The following NEB variants were observed in gnomAD, a reference collection of about 807,000 sequenced individuals.
NEB encodes the protein nebulin, also known as nemaline myopathy type 2.
A neutral mutation model predicts 952.2 loss-of-function variants in NEB; 512 were observed. The ratio of observed to expected loss-of-function variants is 0.54; its 90% CI spans 0.50 to 0.58. The LOEUF (loss-of-function observed/expected upper bound fraction) is 0.58. Among genes scored for constraint, NEB ranks in the 20% least tolerant of loss-of-function variants. The pLI, the probability that NEB is intolerant of heterozygous loss-of-function variation, is 0.00. For synonymous variants in NEB, 2,900 were observed against 3,149.8 expected, an observed-to-expected ratio of 0.92 and a Z score of 2.66; for missense variants, 8,428 against 9,231.1, an observed-to-expected ratio of 0.91 and a Z score of 3.56.
At chr2:151,486,861 G>A (rs2050894438) in intron 181 of NEB, 1 of 152,236 alleles carries the variant, frequency 6.6e-6, no homozygotes, top group African/African-American at 2.4e-5. Context: ...AAAGGGGATG[G>A]AGAATGAATG....
chr2:151,486,759 C>T (rs968884332), intron 181 of NEB: 1 of 152,098 alleles, frequency 6.6e-6, no homozygotes, highest in Non-Finnish European at 1.5e-5. Flanking sequence ...GCACCAAGGT[C>T]AGTATATTGT....
At chr2:151,704,014 A>G (rs2099689015) in intron 13 of NEB, among the ~76,000 whole-genome samples, 2 of 117,998 alleles carry the variant, frequency 1.7e-5, no homozygotes, top group Non-Finnish European at 3.5e-5. Context: ...GTCTTTGATG[A>G]TGGTGATGTA....
Position 151,709,593 on chromosome 2 carries a change from C to A in NEB, c.1035+63G>T, listed in dbSNP as rs1401087399. 3.0e-6 allele frequency: 4 copies of A among 1,327,942 alleles called. No individual in the cohort carries two copies. In the African/African-American group the frequency reaches 5.9e-5, roughly 20 times the overall value. The allele number at this position is 1,327,942 out of a possible 1,614,324, so 82.3% of individuals were successfully genotyped here. A position where few individuals can be genotyped will look rare whatever the true frequency, so the allele number is the denominator to read the frequency against. On this transcript the variant is annotated intron_variant, in intron 12 of 181. Coordinates refer to ENST00000397345, the MANE Select transcript of NEB (RefSeq NM_001164508.2). ...TTTTTTACTAATTATATACAAGAGC[C>A]AAAGTTATAAGAAATTTACCCACAC...
At chr2:151,488,346 T>C (rs1386052263) in intron 181 of NEB, among the ~76,000 whole-genome samples, 1 of 152,058 alleles carries the variant, frequency 6.6e-6, no homozygotes, top group African/African-American at 2.4e-5. Context: ...CTTTCCCCTT[T>C]ATATTTTAAA....
chr2:151,570,448 G>A (rs1384021190), intron 108 of NEB, 49 bp downstream of exon 108: 1 of 1,588,350 alleles, frequency 6.3e-7, no homozygotes, highest in Admixed American at 1.8e-5. Flanking sequence ...GATGCACCTA[G>A]GGCATCGGCT....
At chr2:151,630,532 T>C (rs1215286508) in intron 67 of NEB, among the ~76,000 whole-genome samples, 183 bp downstream of exon 67, 1 of 152,232 alleles carries the variant, frequency 6.6e-6, no homozygotes, top group Non-Finnish European at 1.5e-5. Flanking sequence ...AAAGACATTG[T>C]GACTTCAGTT....
chr2:151,704,467 C>T (rs1445857147), intron 13 of NEB, among the ~76,000 whole-genome samples: 3 of 147,994 alleles, frequency 2.0e-5, no homozygotes, highest in South Asian at 2.2e-4. Flanking sequence ...GCCTCGCTGC[C>T]GCCTTGCAGT....
intron 44 of NEB, 101 bp from the exon 45 acceptor site, chr2:151,663,960 GC>G: frequency 2.4e-6 from 3 of 1,236,048 alleles, no homozygotes; most frequent in Non-Finnish European, 3.3e-6. Context: ...GGGTTTTAGA[GC>G]TACTCTAAAA....
chr2:151,680,687 A>G (rs764262598), intron 30 of NEB, 43 bp downstream of exon 30: 3 of 1,346,878 alleles, frequency 2.2e-6, no homozygotes, highest in Non-Finnish European at 3.2e-6. Context: ...ATGTATTTGT[A>G]TTAGTTAACA....
intron 47 of NEB, among the ~76,000 whole-genome samples, chr2:151,658,716 G>A (rs2099113200): frequency 6.6e-6 from 1 of 152,014 alleles, no homozygotes; most frequent in African/African-American, 2.4e-5. Flanking sequence ...CATCTCAAAG[G>A]CTTGATGGAA....
In NEB at chr2:151,639,389, C is replaced by CA. The variant is rs771652505; in HGVS notation, c.8890-6dup. 2.2e-4 allele frequency: 323 copies of CA among 1,496,668 alleles called. No homozygotes were observed. Among genetic ancestry groups the CA allele is most frequent in the African/African-American group, 1.4e-3 (100 of 71,052 alleles). 92.7% of individuals were successfully genotyped at this position (1,496,668 alleles called of 1,614,324 possible). The stretch of plus-strand genomic sequence containing the variant: ...CCAGGCTTCTGTGTATAAACGCTAT[C>CA]AAAAAAAATACACAAATTCATCAGG... On this transcript the variant is annotated splice_region_variant and splice_polypyrimidine_tract_variant and intron_variant, in intron 62 of 181. Coordinates refer to ENST00000397345, the MANE Select transcript of NEB (RefSeq NM_001164508.2).
At chr2:151,689,902 G>A (rs2099534335) in intron 24 of NEB, 1 of 152,190 alleles carries the variant, frequency 6.6e-6, no homozygotes, top group Non-Finnish European at 1.5e-5. Flanking sequence ...TTGGGTATGA[G>A]CTAATTTGTG....
At chr2:151,601,477 G>GA (rs1184350635) in intron 88 of NEB, among the ~76,000 whole-genome samples, 4 of 112,734 alleles carry the variant, frequency 3.5e-5, no homozygotes, top group South Asian at 3.3e-4. Context: ...TATCTACGTG[G>GA]AAAAAAACAG....
At chr2:151,697,677 T>A in intron 13 of NEB, 29 bp from the exon 14 acceptor site, 1 of 1,451,610 alleles carries the variant, frequency 6.9e-7, no homozygotes, top group Non-Finnish European at 9.5e-7. Flanking sequence ...TCAGTTAAAG[T>A]AGATTCCTGT....
intron 107 of NEB, among the ~76,000 whole-genome samples, chr2:151,575,346 A>G (rs2096791012): frequency 6.6e-6 from 1 of 152,202 alleles, no homozygotes; most frequent in South Asian, 2.1e-4. Flanking sequence ...ATATATTTTT[A>G]CAAAGACTTC....
chr2:151,691,898 T>C lies in NEB; in HGVS notation c.2177A>G (p.Tyr726Cys). The change falls in exon 23 of 182, where the codon TAT becomes TGT. Residue 726 changes from tyrosine (Y) to cysteine (C), a missense_variant. Coordinates refer to ENST00000397345, the MANE Select transcript of NEB (RefSeq NM_001164508.2). ...CTGGTCCAGCTTCTTGATTGCTTCA[T>C]ATTCTTGTGTTATTGTCTGAGGGAA... Reference protein sequence around the residue: ...CYFPQTITQEYEAIKKLDQCK... With the variant: ...CYFPQTITQECEAIKKLDQCK... 5.6e-6 allele frequency: 9 copies of C among 1,604,186 alleles called. No homozygotes were observed. Among genetic ancestry groups the C allele is most frequent in the East Asian group, 2.2e-5 (1 of 44,786 alleles).
At chr2:151,577,758 T>C (rs1386356320) in intron 105 of NEB, among the ~76,000 whole-genome samples, 2 of 152,192 alleles carry the variant, frequency 1.3e-5, no homozygotes, top group South Asian at 2.1e-4. Context: ...TTTGTGTTTT[T>C]AGTAAAGACA....
chr2:151,731,500 C>T (rs1389781863), intron 3 of NEB, among the ~76,000 whole-genome samples: 2 of 152,144 alleles, frequency 1.3e-5, no homozygotes, highest in Middle Eastern at 3.4e-3. Context: ...GCCATTTTTT[C>T]GAATGCACCA....
intron 135 of NEB, among the ~76,000 whole-genome samples, chr2:151,542,301 C>T (rs1355973260): frequency 1.3e-5 from 2 of 152,134 alleles, no homozygotes; most frequent in Non-Finnish European, 2.9e-5. Context: ...CCAGTACATT[C>T]TCCCGGGGTG....
Sources: allele counts gnomAD v4.1 joint callset (sites outside exome capture counted in the v4.1 genomes callset), GRCh38; gene constraint gnomAD v4.1.1; transcripts MANE v1.5; gene names NCBI Gene and HGNC (gene_info 2026-07-23, HGNC 2026-07-21).